The following LUC7L2 variants were observed in gnomAD, a reference collection of about 807,000 sequenced individuals.
LUC7L2 encodes putative RNA-binding protein Luc7-like 2.
LUC7L2 carries 25 observed loss-of-function variants against 52.8 expected under a neutral mutation model. The observed-to-expected ratio is 0.47, with a 90% CI of 0.34 to 0.66. The LOEUF (loss-of-function observed/expected upper bound fraction) is 0.66. Ranked by LOEUF, LUC7L2 falls within the 30% of genes least tolerant of loss-of-function variation. The pLI is 0.01. For synonymous variants in LUC7L2, 144 were observed against 160.9 expected, an observed-to-expected ratio of 0.89 and a Z score of 0.80; for missense variants, 328 against 497.8, an observed-to-expected ratio of 0.66 and a Z score of 3.25.
intron 2 of LUC7L2, among the ~76,000 whole-genome samples, chr7:139,387,000 G>A (rs1794231250): frequency 6.6e-6 from 1 of 152,012 alleles, no homozygotes; most frequent in Middle Eastern, 3.4e-3. Context: ...CACCATGCCC[G>A]GCTAATTTTT....
intron 7 of LUC7L2, among the ~76,000 whole-genome samples, chr7:139,411,781 C>G (rs1030351841): frequency 1.3e-5 from 2 of 152,008 alleles, no homozygotes; most frequent in Non-Finnish European, 2.9e-5. Flanking sequence ...ACTAGGTGTT[C>G]TAGAGATTAT....
At chr7:139,379,049 G>T (rs530467156) in intron 2 of LUC7L2, among the ~76,000 whole-genome samples, 2 of 152,256 alleles carry the variant, frequency 1.3e-5, no homozygotes, top group South Asian at 4.1e-4. Flanking sequence ...TAGAGACGGG[G>T]TTTCACCATG....
chr7:139,352,926 G>T (rs758780688), intron 1 of LUC7L2, among the ~76,000 whole-genome samples: 2 of 152,146 alleles, frequency 1.3e-5, no homozygotes, highest in African/African-American at 2.4e-5. Context: ...GGCCGGGCAC[G>T]GTGGCTCATG....
upstream of LUC7L2, chr7:139,359,758 G>C (rs951797798): frequency 2.5e-6 from 1 of 401,118 alleles, no homozygotes; most frequent in Non-Finnish European, 4.4e-6. Context: ...GGGGTAAAGG[G>C]GCGGGAGGAG....
At chr7:139,349,110 C>T (rs939521543) in intron 1 of LUC7L2, among the ~76,000 whole-genome samples, 7 of 152,130 alleles carry the variant, frequency 4.6e-5, no homozygotes, top group South Asian at 2.1e-4. Flanking sequence ...GCTGAGATGG[C>T]GCCACTGCAT....
At chr7:139,373,406 G>T (rs1223914422) in intron 1 of LUC7L2, among the ~76,000 whole-genome samples, 2 of 152,146 alleles carry the variant, frequency 1.3e-5, no homozygotes, top group African/African-American at 4.8e-5. Context: ...TTGTTTTAAA[G>T]ATTTCTATAA....
chr7:139,412,245 CAG>C (rs1023480196), intron 7 of LUC7L2, among the ~76,000 whole-genome samples: 10 of 147,754 alleles, frequency 6.8e-5, no homozygotes, highest in East Asian at 2.0e-4. Context: ...AAACAAAAAA[CAG>C]AAAAAATCCG....
intron 9 of LUC7L2, among the ~76,000 whole-genome samples, chr7:139,420,177 A>T (rs1795825054): frequency 6.6e-6 from 1 of 152,156 alleles, no homozygotes; most frequent in Admixed American, 6.5e-5. Flanking sequence ...AAGTCAGATT[A>T]CTTGGGTTCA....
At chr7:139,390,167 T>C (rs1396950860) in intron 2 of LUC7L2, among the ~76,000 whole-genome samples, 2 of 152,072 alleles carry the variant, frequency 1.3e-5, no homozygotes, top group Non-Finnish European at 2.9e-5. Context: ...CAGGATCAAA[T>C]GGATAATACG....
chr7:139,402,603 T>A (rs1366566951), intron 4 of LUC7L2, among the ~76,000 whole-genome samples: 1 of 152,244 alleles, frequency 6.6e-6, no homozygotes, highest in East Asian at 1.9e-4. Context: ...CTTGGCTTGC[T>A]GCAATCTCTG....
chr7:139,394,459 C>G (rs1367263696), intron 2 of LUC7L2, among the ~76,000 whole-genome samples: 1 of 152,154 alleles, frequency 6.6e-6, no homozygotes, highest in Admixed American at 6.6e-5. Context: ...TGTTCTTAGT[C>G]TACATAGTTG....
intron 1 of LUC7L2, among the ~76,000 whole-genome samples, chr7:139,365,615 C>T (rs745421001): frequency 3.3e-5 from 5 of 151,982 alleles, no homozygotes; most frequent in Non-Finnish European, 7.4e-5. Flanking sequence ...AGAAGACAGG[C>T]AGATGGTTTA....
intron 1 of LUC7L2, among the ~76,000 whole-genome samples, chr7:139,349,168 A>G (rs4077889): frequency 0.39 from 58,820 of 152,148 alleles, 15,836 homozygotes; most frequent in African/African-American, 0.77. Context: ...ACAAACCAAC[A>G]AGCAAACAAA....
At chr7:139,380,005 C>T (rs1800914674) in intron 2 of LUC7L2, among the ~76,000 whole-genome samples, 1 of 151,682 alleles carries the variant, frequency 6.6e-6, no homozygotes, top group African/African-American at 2.4e-5. Context: ...TGGTGAAACC[C>T]CATCTCTACT....
At chr7:139,381,797 A>C (rs1801038819) in intron 2 of LUC7L2, among the ~76,000 whole-genome samples, 1 of 151,366 alleles carries the variant, frequency 6.6e-6, no homozygotes, top group South Asian at 2.1e-4. Context: ...GCTGGTCTCG[A>C]ACTGCTGACC....
chr7:139,361,598 A>G (rs768301847), intron 1 of LUC7L2, among the ~76,000 whole-genome samples: 1 of 151,366 alleles, frequency 6.6e-6, no homozygotes, highest in African/African-American at 2.4e-5. Context: ...TGGCAAACCT[A>G]CTTGTGGTTG....
At chr7:139,380,092 A>G (rs1800921448) in intron 2 of LUC7L2, among the ~76,000 whole-genome samples, 1 of 151,170 alleles carries the variant, frequency 6.6e-6, no homozygotes. Context: ...GGCAGGAGAA[A>G]TACTTGAACC....
chr7:139,359,953 C>G lies in LUC7L2; in HGVS notation c.-309C>G, dbSNP rs1057376291. 2 of 426,560 alleles carry G rather than the reference C, an allele frequency of 4.7e-6. No homozygotes were observed. The highest frequency in any genetic ancestry group is 7.1e-5 in the East Asian group (2 of 28,102). 26.4% of individuals were successfully genotyped at this position (426,560 alleles called of 1,614,324 possible). A position where few individuals can be genotyped will look rare whatever the true frequency, so the allele number is the denominator to read the frequency against. On this transcript the variant is annotated 5_prime_UTR_variant, in exon 1 of 10. Coordinates refer to ENST00000354926, the MANE Select transcript of LUC7L2 (RefSeq NM_016019.5). ...TCAGAGCTTGAGGGGGGGTTGACGG[C>G]TTCTGGCGGGTGGCGGTGTTGAAGG...
chr7:139,373,695 G>T (rs1440870480), intron 1 of LUC7L2, among the ~76,000 whole-genome samples: 2 of 120,262 alleles, frequency 1.7e-5, no homozygotes, highest in Non-Finnish European at 1.6e-5. Context: ...TGTCTTCAGG[G>T]CACAATAACT....
Sources: allele counts gnomAD v4.1 joint callset (sites outside exome capture counted in the v4.1 genomes callset), GRCh38; gene constraint gnomAD v4.1.1; transcripts MANE v1.5; gene names NCBI Gene and HGNC (gene_info 2026-07-23, HGNC 2026-07-21).